The following PCDHA11 variants were observed in gnomAD, a reference collection of about 807,000 sequenced individuals.
PCDHA11 encodes the protein protocadherin alpha-11.
Under a neutral mutation model 70.3 loss-of-function variants are expected in PCDHA11, and 61 were observed. The observed-to-expected ratio is 0.87, with a 90% CI of 0.71 to 1.07. PCDHA11 has a LOEUF of 1.07. Ranked by LOEUF, PCDHA11 falls within the 50% of genes least tolerant of loss-of-function variation. The probability of loss-of-function intolerance (pLI) is 0.00; values close to 1 mark genes in which losing one functional copy is unlikely to be tolerated. For missense variants in PCDHA11, 1,324 were observed against 1,237.5 expected, an observed-to-expected ratio of 1.07 and a Z score of -1.05; for synonymous variants, 633 against 555.1, an observed-to-expected ratio of 1.14 and a Z score of -1.97.
intron 1 of PCDHA11, among the ~76,000 whole-genome samples, chr5:140,936,916 A>C (rs782442769): frequency 3.0e-4 from 46 of 152,222 alleles, no homozygotes; most frequent in Non-Finnish European, 6.6e-4. Context: ...ATCTGTAGAA[A>C]ATATGGGGTA....
At chr5:140,885,203 C>A (rs1348633653) in intron 1 of PCDHA11, among the ~76,000 whole-genome samples, 2 of 151,986 alleles carry the variant, frequency 1.3e-5, no homozygotes, top group African/African-American at 2.4e-5. Flanking sequence ...TCTCATATAT[C>A]CCATGAAAAA....
At chr5:140,879,939 T>C (rs1554171083) in intron 1 of PCDHA11, among the ~76,000 whole-genome samples, 1 of 152,194 alleles carries the variant, frequency 6.6e-6, no homozygotes. Flanking sequence ...TGTGATTGTA[T>C]TTAGGGCCCA....
At chr5:140,891,052 A>T (rs1554184638) in intron 1 of PCDHA11, among the ~76,000 whole-genome samples, 1 of 152,200 alleles carries the variant, frequency 6.6e-6, no homozygotes, top group Non-Finnish European at 1.5e-5. Flanking sequence ...CCCACAGCAC[A>T]TAGTAAATAT....
chr5:140,946,631 T>TATATAGATATATATATATATATATACAC (rs57893927), intron 1 of PCDHA11, among the ~76,000 whole-genome samples: 1 of 131,846 alleles, frequency 7.6e-6, no homozygotes, highest in African/African-American at 3.5e-5. Flanking sequence ...TATATATATA[T>TATATAGATATATATATATATATATACAC]ACAATGGAAT....
At chr5:141,007,395 C>CAAAAAAAAAAAAAAAAA (rs35800918) in intron 3 of PCDHA11, among the ~76,000 whole-genome samples, 5 of 94,868 alleles carry the variant, frequency 5.3e-5, no homozygotes, top group Non-Finnish European at 8.3e-5. Context: ...TACTAAAATA[C>CAAAAAAAAAAAAAAAAA]AAAAAAAAAA....
chr5:140,947,756 T>A (rs1354995389), intron 1 of PCDHA11, among the ~76,000 whole-genome samples: 1 of 151,644 alleles, frequency 6.6e-6, no homozygotes, highest in Non-Finnish European at 1.5e-5. Flanking sequence ...TATTTTATGG[T>A]TTAAAAAATT....
intron 1 of PCDHA11, among the ~76,000 whole-genome samples, chr5:140,886,080 C>A (rs910230815): frequency 3.7e-4 from 56 of 152,268 alleles, no homozygotes; most frequent in African/African-American, 1.2e-3. Flanking sequence ...CATACCACAA[C>A]CTGGATATTG....
chr5:140,977,314 C>CTCCTGATG (rs1482871612), intron 1 of PCDHA11, among the ~76,000 whole-genome samples: 1 of 152,152 alleles, frequency 6.6e-6, no homozygotes, highest in African/African-American at 2.4e-5. Context: ...AACGATAGTG[C>CTCCTGATG]TCCTGATGGC....
intron 1 of PCDHA11, among the ~76,000 whole-genome samples, chr5:140,974,870 A>G (rs781837180): frequency 9.9e-5 from 15 of 152,182 alleles, no homozygotes; most frequent in African/African-American, 1.4e-4. Context: ...AATGCGGAAC[A>G]GTCTATGTAT....
intron 1 of PCDHA11, among the ~76,000 whole-genome samples, chr5:140,923,228 CCAGAA>C (rs2081257346): frequency 1.4e-5 from 1 of 71,808 alleles, no homozygotes; most frequent in Admixed American, 1.5e-4. Flanking sequence ...TCGTTTGAGC[CCAGAA>C]GTTTGAGACC....
At chr5:140,923,785 C>T (rs2081509867) in intron 1 of PCDHA11, among the ~76,000 whole-genome samples, 1 of 152,156 alleles carries the variant, frequency 6.6e-6, no homozygotes, top group African/African-American at 2.4e-5. Flanking sequence ...ATGGTTTCTT[C>T]ATTCTTTTCA....
chr5:140,958,677 G>C (rs917513084), intron 1 of PCDHA11, among the ~76,000 whole-genome samples: 3 of 152,090 alleles, frequency 2.0e-5, no homozygotes, highest in Non-Finnish European at 2.9e-5. Context: ...TAATTATAAA[G>C]GATATTGAAT....
At chr5:140,965,561 A>T (rs2095912417) in intron 1 of PCDHA11, among the ~76,000 whole-genome samples, 1 of 152,114 alleles carries the variant, frequency 6.6e-6, no homozygotes, top group Admixed American at 6.5e-5. Context: ...TTAGGAGATC[A>T]ACAGTAACGC....
rs1486042569 is a variant in PCDHA11 at position 140,880,105 on chromosome 5, A to G, written c.2391+8611A>G. On this transcript the variant is annotated intron_variant, in intron 1 of 3. Coordinates refer to ENST00000398640, the MANE Select transcript of PCDHA11 (RefSeq NM_018902.5). ...ATTATAGTAGGCTTAAAATCATAGAAGGATAGACAACAGGAAGCTGAAATA... is the reference window on the plus strand; with the variant it reads ...ATTATAGTAGGCTTAAAATCATAGAGGGATAGACAACAGGAAGCTGAAATA... 1.8e-4 allele frequency among the ~76,000 whole-genome samples: 28 copies of G among 152,256 alleles called. 1 individual carries two copies. Among genetic ancestry groups the G allele is most frequent in the Admixed American group, 1.8e-3 (28 of 15,292 alleles).
chr5:140,881,909 G>T (rs941994896), intron 1 of PCDHA11: 6 of 230,500 alleles, frequency 2.6e-5, no homozygotes, highest in Non-Finnish European at 5.1e-5. Context: ...AATATAAAAT[G>T]TTGAGCAGAA....
intron 1 of PCDHA11, among the ~76,000 whole-genome samples, chr5:140,874,132 A>C (rs181983769): frequency 1.3e-5 from 2 of 152,240 alleles, no homozygotes; most frequent in East Asian, 3.8e-4. Flanking sequence ...TATTTAAGTT[A>C]TCTTATACTT....
intron 1 of PCDHA11, among the ~76,000 whole-genome samples, chr5:140,916,773 A>G (rs1584011849): frequency 6.6e-6 from 1 of 151,502 alleles, no homozygotes; most frequent in South Asian, 2.1e-4. Context: ...TGGCACAAGC[A>G]CTCCCTTAGC....
intron 1 of PCDHA11, among the ~76,000 whole-genome samples, chr5:140,909,916 C>T (rs1554194012): frequency 6.6e-6 from 1 of 152,138 alleles, no homozygotes; most frequent in African/African-American, 2.4e-5. Context: ...CAATCATTTC[C>T]CTTTCCCCAA....
intron 1 of PCDHA11, chr5:140,877,218 G>A: frequency 6.2e-7 from 1 of 1,613,726 alleles, no homozygotes; most frequent in Non-Finnish European, 8.5e-7. Context: ...AGTTGGTACC[G>A]CGGTCGGTGG....
Sources: allele counts gnomAD v4.1 joint callset (sites outside exome capture counted in the v4.1 genomes callset), GRCh38; gene constraint gnomAD v4.1.1; transcripts MANE v1.5; gene names NCBI Gene and HGNC (gene_info 2026-07-23, HGNC 2026-07-21).